Variants in PDE12 observed in about 807,000 individuals in gnomAD.
PDE12 encodes phosphodiesterase 12.
A neutral mutation model predicts 45.4 loss-of-function variants in PDE12; 26 were observed. That is an observed-to-expected ratio of 0.57 (90% CI 0.42 to 0.79). PDE12 has a LOEUF of 0.79. Ranked by LOEUF, PDE12 falls within the 30% of genes least tolerant of loss-of-function variation. PDE12 has a pLI of 0.00. For synonymous variants in PDE12, 283 were observed against 323.9 expected (o/e 0.87, Z 1.36); for missense variants, 668 against 790.0 (o/e 0.85, Z 1.85).
At chr3:57,577,491 A>C in the PDE12 span, 1 of 852,598 alleles carries the variant, frequency 1.2e-6, no homozygotes, top group Non-Finnish European at 1.9e-6. Context: ...TTAGGAAGAA[A>C]ATGTCTCTTT....
chr3:57,607,366 C>A, the PDE12 span, among the ~76,000 whole-genome samples: 1 of 152,242 alleles, frequency 6.6e-6, no homozygotes, highest in Admixed American at 6.5e-5. Flanking sequence ...AGCTCCTCAC[C>A]AGCAACAGAA....
the PDE12 span, among the ~76,000 whole-genome samples, chr3:57,637,766 CA>C: frequency 0.46 from 50,042 of 109,168 alleles, 9,236 homozygotes; most frequent in East Asian, 0.61. Flanking sequence ...AATAAGACTT[CA>C]AAAAAAAAAA....
the PDE12 span, among the ~76,000 whole-genome samples, chr3:57,650,046 C>T: frequency 6.6e-6 from 1 of 151,926 alleles, no homozygotes; most frequent in East Asian, 1.9e-4. Context: ...GAATGGAAAA[C>T]CAAACATCAT....
At chr3:57,646,468 T>TAGCCAA in the PDE12 span, 1 of 1,581,142 alleles carries the variant, frequency 6.3e-7, no homozygotes, top group African/African-American at 1.4e-5. Flanking sequence ...AGAAATACTT[T>TAGCCAA]TTAATGTAGC....
chr3:57,642,418 G>C, the PDE12 span, among the ~76,000 whole-genome samples: 1 of 151,898 alleles, frequency 6.6e-6, no homozygotes, highest in Admixed American at 6.6e-5. Context: ...ACAGGAAGAC[G>C]TGAAAGATGA....
the PDE12 span, among the ~76,000 whole-genome samples, chr3:57,649,826 CCCT>C: frequency 7.1e-6 from 1 of 140,696 alleles, no homozygotes; most frequent in Non-Finnish European, 1.5e-5. Flanking sequence ...CCCATGGATA[CCCT>C]CCTGTCTCAT....
At chr3:57,613,291 AAAC>A in the PDE12 span, among the ~76,000 whole-genome samples, 14 of 149,128 alleles carry the variant, frequency 9.4e-5, no homozygotes, top group East Asian at 4.0e-4. Flanking sequence ...AAAAAAAAAA[AAAC>A]AACTTTTTTT....
At chr3:57,631,653 A>G in the PDE12 span, among the ~76,000 whole-genome samples, 1 of 151,372 alleles carries the variant, frequency 6.6e-6, no homozygotes, top group African/African-American at 2.4e-5. Flanking sequence ...AGGCTAAATA[A>G]CCTGACCAAG....
At chr3:57,590,933 A>T in the PDE12 span, among the ~76,000 whole-genome samples, 7 of 152,304 alleles carry the variant, frequency 4.6e-5, no homozygotes, top group East Asian at 1.3e-3. Context: ...TTAAAATTGA[A>T]TATTTACTGC....
downstream of PDE12, among the ~76,000 whole-genome samples, chr3:57,570,595 A>G: frequency 6.6e-6 from 1 of 152,092 alleles, no homozygotes; most frequent in Non-Finnish European, 1.5e-5. Context: ...TCAATCCATA[A>G]ATTTAGCTGA....
chr3:57,653,148 C>A, the PDE12 span, among the ~76,000 whole-genome samples: 3 of 152,176 alleles, frequency 2.0e-5, no homozygotes, highest in African/African-American at 7.2e-5. Flanking sequence ...ATTGTACTTA[C>A]TACTTTTCTG....
the PDE12 span, among the ~76,000 whole-genome samples, chr3:57,639,701 A>C: frequency 6.6e-6 from 1 of 152,132 alleles, no homozygotes; most frequent in Non-Finnish European, 1.5e-5. Flanking sequence ...CCTAGCAGAC[A>C]AAAAATTTGA....
At chr3:57,558,838 A>G (rs1408662967) in intron 1 of PDE12, among the ~76,000 whole-genome samples, 1 of 124,838 alleles carries the variant, frequency 8.0e-6, no homozygotes, top group Non-Finnish European at 1.7e-5. Flanking sequence ...AGTCATGTAG[A>G]TCCTGAAACT....
the PDE12 span, among the ~76,000 whole-genome samples, chr3:57,610,072 G>T: frequency 6.6e-6 from 1 of 152,094 alleles, no homozygotes; most frequent in Non-Finnish European, 1.5e-5. Flanking sequence ...ATGCAAGGCT[G>T]GTTCAACATA....
chr3:57,565,815 A>G lies in PDE12; in HGVS notation c.*5811A>G, dbSNP rs1251179473. ...GGACTCTGTCTCAAAAATAAAATAA[A>G]ATAAAATTTTAAAAAAAGGATTTAT... is the stretch of plus-strand genomic sequence containing the variant. On this transcript the variant is annotated 3_prime_UTR_variant, in exon 3 of 3. Transcript: ENST00000311180. 1 of 152,140 alleles carries G rather than the reference A, an allele frequency of 6.6e-6. No individual in the cohort carries two copies. Among genetic ancestry groups the G allele is most frequent in the East Asian group, 1.9e-4 (1 of 5,194 alleles). 9.4% of individuals were successfully genotyped at this position (152,140 alleles called of 1,614,324 possible).
At chr3:57,640,752 C>T in the PDE12 span, among the ~76,000 whole-genome samples, 1 of 152,100 alleles carries the variant, frequency 6.6e-6, no homozygotes, top group Non-Finnish European at 1.5e-5. Flanking sequence ...GTCTAAATTA[C>T]TACGCCCAAA....
chr3:57,580,751 ACTG>A, the PDE12 span, among the ~76,000 whole-genome samples: 4 of 149,512 alleles, frequency 2.7e-5, no homozygotes, highest in Non-Finnish European at 5.9e-5. Context: ...TTTTATTTTG[ACTG>A]CTAACTTCCC....
chr3:57,578,638 C>T, the PDE12 span, among the ~76,000 whole-genome samples: 1 of 152,046 alleles, frequency 6.6e-6, no homozygotes, highest in Non-Finnish European at 1.5e-5. Context: ...TGCCACCACA[C>T]CTAGCTAATT....
chr3:57,589,188 A>G, the PDE12 span, among the ~76,000 whole-genome samples: 1 of 151,916 alleles, frequency 6.6e-6, no homozygotes, highest in Non-Finnish European at 1.5e-5. Context: ...GGATCACTTG[A>G]CCCCAGGAGG....
Sources: gnomAD v4.1 joint callset for allele counts (sites outside exome capture counted in the v4.1 genomes callset) on GRCh38, gnomAD v4.1.1 for gene constraint, MANE v1.5 for transcripts, NCBI Gene and HGNC (gene_info 2026-07-23, HGNC 2026-07-21) for gene names.